The following SWAP70 variants were observed in gnomAD, a reference collection of about 807,000 sequenced individuals.
SWAP70 encodes switching B cell complex subunit SWAP70.
A neutral mutation model predicts 80.2 loss-of-function variants in SWAP70; 34 were observed. That is an observed-to-expected ratio of 0.42 (90% confidence interval 0.32 to 0.56). SWAP70 has a LOEUF of 0.56. Among genes scored for constraint, SWAP70 ranks in the 20% least tolerant of loss-of-function variants. The probability of loss-of-function intolerance (pLI) is 0.09; values close to 1 mark genes in which losing one functional copy is unlikely to be tolerated. For missense variants in SWAP70, 578 were observed against 690.7 expected (o/e 0.84, Z 1.83); for synonymous variants, 239 against 238.5 (o/e 1.00, Z -0.02).
Position 9,669,432 on chromosome 11 carries a change from G to A in SWAP70, c.99+5154G>A, listed in dbSNP as rs149975028. Reference sequence around the variant, plus strand: ...TTTAGTGGAGACAGGGTTTCACCATGTTGGCCAGGCTGGTCTCAAACTCCT... The same window carrying A: ...TTTAGTGGAGACAGGGTTTCACCATATTGGCCAGGCTGGTCTCAAACTCCT... On this transcript the variant is annotated intron_variant, in intron 1 of 11. Transcript: ENST00000318950. Among the ~76,000 whole-genome samples, 620 of 152,270 alleles carry A rather than the reference G, an allele frequency of 4.1e-3. 18 individuals carry two copies. In the East Asian group the frequency reaches 0.068, roughly 17 times the overall value.
chr11:9,680,004 A>ACATATATGCTGTC (rs1444475201), intron 1 of SWAP70, among the ~76,000 whole-genome samples: 1 of 152,172 alleles, frequency 6.6e-6, no homozygotes, highest in Non-Finnish European at 1.5e-5. Context: ...TAGAGCTCAC[A>ACATATATGCTGTC]ACCTTTATAT....
chr11:9,721,992 G>A (rs938448616), intron 3 of SWAP70, among the ~76,000 whole-genome samples: 9 of 152,096 alleles, frequency 5.9e-5, no homozygotes, highest in Non-Finnish European at 1.0e-4. Flanking sequence ...CATAATCTTC[G>A]TGCAGTAGAA....
Position 9,664,253 on chromosome 11 carries a change from G to T in SWAP70, c.74G>T (p.Gly25Val). The T allele has an allele frequency of 6.3e-7, 1 of 1,588,446 alleles. No individual in the cohort carries two copies. Among genetic ancestry groups the T allele is most frequent in the South Asian group, 1.2e-5 (1 of 86,860 alleles). ...ACCGCACTCGACCAGGACCACAGCG[G>T]CAAGGTCTCCAAGTCCCAGCTCAAG... ...AFTALDQDHS[G>V]KVSKSQLKVL... The change falls in exon 1 of 12, where the codon GGC becomes GTC. Residue 25 changes from glycine (G) to valine (V), a missense_variant. Gly to Val is a moderately radical substitution (Grantham distance 109, BLOSUM62 -3). Coordinates refer to ENST00000318950, the MANE Select transcript of SWAP70 (RefSeq NM_015055.4).
At chr11:9,706,895 T>G (rs1173600922) in intron 2 of SWAP70, among the ~76,000 whole-genome samples, 2 of 152,098 alleles carry the variant, frequency 1.3e-5, no homozygotes, top group East Asian at 1.9e-4. Flanking sequence ...TTGCAGCATT[T>G]TTTTCCTTTT....
chr11:9,721,370 G>C (rs2133802497), intron 3 of SWAP70, among the ~76,000 whole-genome samples: 1 of 152,064 alleles, frequency 6.6e-6, no homozygotes, highest in East Asian at 1.9e-4. Context: ...CACTTACCAT[G>C]TGCTGTTTTT....
chr11:9,715,507 A>G lies in SWAP70; in HGVS notation c.414+1868A>G, dbSNP rs568540683. ...TTGCTGCCTGTATTAGTCCATTTTC[A>G]TGCTGCTGATAAAGACATACCCAAG... On this transcript the variant is annotated intron_variant, in intron 3 of 11. Transcript: ENST00000318950. Among the ~76,000 whole-genome samples, 4 of 152,306 alleles carry G rather than the reference A, an allele frequency of 2.6e-5. No individual in the cohort carries two copies. In the East Asian group the frequency reaches 7.7e-4, roughly 29 times the overall value.
chr11:9,706,276 T>C (rs1167311506), intron 2 of SWAP70, among the ~76,000 whole-genome samples: 5 of 112,542 alleles, frequency 4.4e-5, no homozygotes, highest in Non-Finnish European at 8.9e-5. Flanking sequence ...ACACTGGTGA[T>C]CTGTGTATAC....
At chr11:9,695,841 C>T (rs749566704) in intron 2 of SWAP70, among the ~76,000 whole-genome samples, 4 of 152,094 alleles carry the variant, frequency 2.6e-5, no homozygotes, top group East Asian at 1.9e-4. Context: ...GTCACCCAGG[C>T]TGGAGTTCAG....
intron 3 of SWAP70, among the ~76,000 whole-genome samples, chr11:9,719,545 A>G (rs1851109680): frequency 6.6e-6 from 1 of 152,202 alleles, no homozygotes; most frequent in African/African-American, 2.4e-5. Flanking sequence ...AAAAAAAAAA[A>G]AAGTTAATGT....
At chr11:9,721,861 CA>C (rs969066580) in intron 3 of SWAP70, among the ~76,000 whole-genome samples, 42 of 151,388 alleles carry the variant, frequency 2.8e-4, no homozygotes, top group African/African-American at 9.7e-4. Context: ...TGTTATTTTA[CA>C]AAAAACATTA....
chr11:9,739,228 T>C (rs1851404268), intron 8 of SWAP70, among the ~76,000 whole-genome samples: 1 of 152,224 alleles, frequency 6.6e-6, no homozygotes, highest in Non-Finnish European at 1.5e-5. Context: ...AACACAGGTC[T>C]TCTCACATTG....
intron 1 of SWAP70, among the ~76,000 whole-genome samples, chr11:9,671,397 T>G (rs1333621045): frequency 9.5e-6 from 1 of 104,842 alleles, no homozygotes; most frequent in Non-Finnish European, 1.7e-5. Flanking sequence ...TAAATATATA[T>G]AAATATATAA....
intron 6 of SWAP70, among the ~76,000 whole-genome samples, chr11:9,730,477 GTA>G (rs1158473497): frequency 1.4e-4 from 22 of 151,954 alleles, no homozygotes; most frequent in African/African-American, 5.1e-4. Flanking sequence ...GTATTCCAAG[GTA>G]TATGTGTGTA....
In SWAP70 at chr11:9,732,466, A is replaced by C. The variant is rs1590043611; in HGVS notation, c.899-63A>C. On this transcript the variant is annotated intron_variant, in intron 6 of 11. Coordinates refer to ENST00000318950, the MANE Select transcript of SWAP70 (RefSeq NM_015055.4). ...TTTCTTCCCACTGTGCCATTTGCATAGTAGGCTTACAAAGAATAAATAATA... is the reference window on the plus strand; with the variant it reads ...TTTCTTCCCACTGTGCCATTTGCATCGTAGGCTTACAAAGAATAAATAATA... The C allele has an allele frequency of 8.7e-6, 13 of 1,487,468 alleles. No individual in the cohort carries two copies. In the East Asian group the frequency reaches 3.2e-4, roughly 36 times the overall value. 92.1% of individuals were successfully genotyped at this position (1,487,468 alleles called of 1,614,324 possible). A position where few individuals can be genotyped will look rare whatever the true frequency, so the allele number is the denominator to read the frequency against.
rs1391844248 is a variant in SWAP70, at chr11:9,691,084, G to T, written c.100-3062G>T. Reference sequence around the variant, plus strand: ...AGGCATGTGCCACCACATCCAGCTAGCTTTTGTACTTTCTATAGAGATGGG... The same window carrying T: ...AGGCATGTGCCACCACATCCAGCTATCTTTTGTACTTTCTATAGAGATGGG... On this transcript the variant is annotated intron_variant, in intron 1 of 11. Coordinates refer to ENST00000318950, the MANE Select transcript of SWAP70 (RefSeq NM_015055.4). Among the ~76,000 whole-genome samples, 8 of 152,036 alleles carry T rather than the reference G, an allele frequency of 5.3e-5. No homozygotes were observed. In the East Asian group the frequency reaches 1.5e-3, roughly 29 times the overall value.
intron 7 of SWAP70, among the ~76,000 whole-genome samples, chr11:9,733,926 C>T (rs1018126925): frequency 6.6e-6 from 1 of 152,158 alleles, no homozygotes; most frequent in African/African-American, 2.4e-5. Flanking sequence ...CATGAAAATA[C>T]TACCCAGGTT....
intron 1 of SWAP70, among the ~76,000 whole-genome samples, chr11:9,678,637 A>G (rs1187012661): frequency 1.4e-5 from 2 of 141,586 alleles, no homozygotes; most frequent in East Asian, 4.1e-4. Flanking sequence ...TCTGATCTCC[A>G]TTTTGTATTT....
chr11:9,694,110 G>A, intron 1 of SWAP70, 36 bp from the exon 2 acceptor site: 1 of 1,565,916 alleles, frequency 6.4e-7, no homozygotes. Flanking sequence ...GTGCTGGTTA[G>A]TGGGAGTCTT....
chr11:9,675,670 AG>A (rs1158270742), intron 1 of SWAP70, among the ~76,000 whole-genome samples: 1 of 151,596 alleles, frequency 6.6e-6, no homozygotes, highest in Non-Finnish European at 1.5e-5. Context: ...CTCCCCAAAA[AG>A]GGAACCACTT....
Sources: gnomAD v4.1 joint callset for allele counts (sites outside exome capture counted in the v4.1 genomes callset) on GRCh38, gnomAD v4.1.1 for gene constraint, MANE v1.5 for transcripts, NCBI Gene and HGNC (gene_info 2026-07-23, HGNC 2026-07-21) for gene names.